The following SHISA9 variants were observed in gnomAD, a reference collection of about 807,000 sequenced individuals.
SHISA9 encodes protein shisa-9.
In SHISA9, 13 loss-of-function variants were observed where a neutral mutation model predicts 38.0. The ratio of observed to expected loss-of-function variants is 0.34; its 90% CI spans 0.22 to 0.54. The LOEUF is 0.54. Ranked by LOEUF, SHISA9 falls within the 20% of genes least tolerant of loss-of-function variation. The pLI is 0.91. For missense variants in SHISA9, 538 were observed against 575.8 expected, an observed-to-expected ratio of 0.93 and a Z score of 0.67; for synonymous variants, 275 against 242.0, an observed-to-expected ratio of 1.14 and a Z score of -1.27.
intron 2 of SHISA9, among the ~76,000 whole-genome samples, chr16:12,966,500 C>A (rs371417791): frequency 6.6e-6 from 1 of 152,160 alleles, no homozygotes; most frequent in Non-Finnish European, 1.5e-5. Flanking sequence ...AGCAATCTTC[C>A]TGCCTCAGCC....
chr16:13,086,098 C>A (rs1208694744), intron 2 of SHISA9, among the ~76,000 whole-genome samples: 1 of 152,056 alleles, frequency 6.6e-6, no homozygotes, highest in Non-Finnish European at 1.5e-5. Context: ...TGGCTCACGC[C>A]TGTAATCCCA....
chr16:12,996,041 C>T (rs891852358), intron 2 of SHISA9, among the ~76,000 whole-genome samples: 11 of 152,158 alleles, frequency 7.2e-5, no homozygotes, highest in African/African-American at 2.7e-4. Flanking sequence ...AGAAAGCAGA[C>T]AGCTCAGTTT....
the SHISA9 span, among the ~76,000 whole-genome samples, chr16:13,261,784 C>T: frequency 6.6e-6 from 1 of 152,268 alleles, no homozygotes; most frequent in Admixed American, 6.5e-5. Context: ...GGCTGGTGAT[C>T]ATGGTTTCAT....
At chr16:13,390,015 A>G in the SHISA9 span, among the ~76,000 whole-genome samples, 2 of 152,318 alleles carry the variant, frequency 1.3e-5, no homozygotes, top group African/African-American at 2.4e-5. Context: ...GAAGATCCCA[A>G]CTGACAAGTG....
the SHISA9 span, among the ~76,000 whole-genome samples, chr16:13,360,711 G>A: frequency 1.3e-5 from 2 of 152,170 alleles, no homozygotes; most frequent in Admixed American, 6.5e-5. Context: ...AATGGTGGCA[G>A]CTCAGTCAAG....
the SHISA9 span, among the ~76,000 whole-genome samples, chr16:13,471,300 T>C: frequency 2.0e-5 from 3 of 152,196 alleles, no homozygotes; most frequent in Admixed American, 2.0e-4. Context: ...TCACAAGTTC[T>C]TGCTACATTG....
chr16:13,536,342 C>A, the SHISA9 span, among the ~76,000 whole-genome samples: 1 of 152,074 alleles, frequency 6.6e-6, no homozygotes, highest in Non-Finnish European at 1.5e-5. Flanking sequence ...CTCTACATAT[C>A]CCTGTGGCTA....
At chr16:13,080,159 G>C (rs908040813) in intron 2 of SHISA9, among the ~76,000 whole-genome samples, 7 of 152,052 alleles carry the variant, frequency 4.6e-5, no homozygotes, top group Non-Finnish European at 1.0e-4. Context: ...GGATCACGAG[G>C]TCAGGAGATT....
intron 2 of SHISA9, among the ~76,000 whole-genome samples, chr16:13,144,539 G>C (rs2050430484): frequency 6.6e-6 from 1 of 152,052 alleles, no homozygotes. Flanking sequence ...TGAGTTCTTT[G>C]GGATCACCTC....
intron 2 of SHISA9, among the ~76,000 whole-genome samples, chr16:13,182,046 A>G (rs930189435): frequency 1.3e-5 from 2 of 152,216 alleles, no homozygotes; most frequent in African/African-American, 2.4e-5. Flanking sequence ...GGTGACCAGA[A>G]GCTACATAGT....
intron 2 of SHISA9, among the ~76,000 whole-genome samples, chr16:13,045,755 G>T (rs376708496): frequency 6.6e-5 from 6 of 90,698 alleles, no homozygotes; most frequent in African/African-American, 1.7e-4. Context: ...GCTGTCCCCT[G>T]CCCCCACTGT....
intron 2 of SHISA9, among the ~76,000 whole-genome samples, chr16:13,018,777 C>T (rs1232029896): frequency 1.3e-5 from 2 of 152,162 alleles, no homozygotes; most frequent in African/African-American, 4.8e-5. Flanking sequence ...TGTGAAAATG[C>T]TGATTCCTAG....
chr16:13,095,331 C>A (rs531014741), intron 2 of SHISA9, among the ~76,000 whole-genome samples: 2 of 152,346 alleles, frequency 1.3e-5, no homozygotes, highest in South Asian at 4.1e-4. Flanking sequence ...GTCAGCTTTG[C>A]TGTTTTGTTT....
chr16:13,487,133 C>G, the SHISA9 span, among the ~76,000 whole-genome samples: 1 of 152,226 alleles, frequency 6.6e-6, no homozygotes. Flanking sequence ...CTTGTACAGT[C>G]ATCCCTTGCT....
At chr16:13,542,803 A>G in the SHISA9 span, among the ~76,000 whole-genome samples, 1 of 152,204 alleles carries the variant, frequency 6.6e-6, no homozygotes, top group Non-Finnish European at 1.5e-5. Flanking sequence ...TTCAAGAGGT[A>G]TTCCACCATC....
chr16:13,297,286 T>A, the SHISA9 span, among the ~76,000 whole-genome samples: 1 of 152,196 alleles, frequency 6.6e-6, no homozygotes, highest in African/African-American at 2.4e-5. Flanking sequence ...CTTAGGCTAT[T>A]CCTATGGGTC....
intron 2 of SHISA9, among the ~76,000 whole-genome samples, chr16:12,921,768 T>G (rs2071331883): frequency 6.6e-6 from 1 of 151,986 alleles, no homozygotes; most frequent in South Asian, 2.1e-4. Context: ...TCTGTCTCTA[T>G]TAAAAAAAAT....
At chr16:13,405,822 G>A in the SHISA9 span, among the ~76,000 whole-genome samples, 1 of 151,680 alleles carries the variant, frequency 6.6e-6, no homozygotes, top group Non-Finnish European at 1.5e-5. Context: ...TTTTATGGCT[G>A]TGTAGTATTC....
chr16:13,177,656 T>G (rs565477446), intron 2 of SHISA9, among the ~76,000 whole-genome samples: 4 of 151,614 alleles, frequency 2.6e-5, no homozygotes, highest in Admixed American at 6.6e-5. Flanking sequence ...TTCACGGTGT[T>G]TTTGTTTGTT....
Sources: allele counts gnomAD v4.1 joint callset (sites outside exome capture counted in the v4.1 genomes callset), GRCh38; gene constraint gnomAD v4.1.1; transcripts MANE v1.5; gene names NCBI Gene and HGNC (gene_info 2026-07-23, HGNC 2026-07-21).